Variants in PPM1G observed in about 807,000 individuals in gnomAD.
PPM1G encodes the protein protein phosphatase, Mg2+/Mn2+ dependent 1G, also known as protein phosphatase 1G.
PPM1G carries 12 observed loss-of-function variants against 59.4 expected under a neutral mutation model. The ratio of observed to expected loss-of-function variants is 0.20; its 90% confidence interval spans 0.13 to 0.33. PPM1G has a LOEUF of 0.33. PPM1G is among the 10% of genes least tolerant of loss of function. PPM1G has a pLI of 1.00. For missense variants in PPM1G, 392 were observed against 681.3 expected (o/e 0.58, Z 4.73); for synonymous variants, 245 against 251.9 (o/e 0.97, Z 0.26).
rs138149792 is a variant in PPM1G at position 27,392,998 on chromosome 2, T to A, written c.121-5840A>T. 1,716 of 1,522,082 alleles carry A rather than the reference T, an allele frequency of 1.1e-3. 18 individuals are homozygous for A. In the African/African-American group the frequency reaches 0.02, roughly 18 times the overall value. The allele number at this position is 1,522,082 out of a possible 1,614,324, so 94.3% of individuals were successfully genotyped here. A position where few individuals can be genotyped will look rare whatever the true frequency, so the allele number is the denominator to read the frequency against. The stretch of plus-strand genomic sequence containing the variant: ...CAGTTTGTGCAGTTCCAGTAGTGAC[T>A]GATTCACATTTTTTTCCAAATGTAA... On this transcript the variant is annotated intron_variant, in intron 1 of 9. Coordinates refer to ENST00000344034, the MANE Select transcript of PPM1G (RefSeq NM_177983.3).
chr2:27,407,563 A>G (rs1204621191), intron 1 of PPM1G, among the ~76,000 whole-genome samples: 1 of 152,034 alleles, frequency 6.6e-6, no homozygotes, highest in African/African-American at 2.4e-5. Context: ...CACTGCGCCC[A>G]GCCTAGATAT....
chr2:27,403,655 G>C (rs1394695989), intron 1 of PPM1G, among the ~76,000 whole-genome samples: 1 of 152,102 alleles, frequency 6.6e-6, no homozygotes, highest in Non-Finnish European at 1.5e-5. Context: ...GGGAGGCGGA[G>C]GCGGGCAGAT....
intron 2 of PPM1G, 199 bp from the exon 3 acceptor site, chr2:27,386,478 T>C (rs1451683185): frequency 2.3e-5 from 10 of 443,468 alleles, no homozygotes; most frequent in Non-Finnish European, 4.1e-5. Context: ...TTCTCTCGGG[T>C]ATAAATATCT....
At chr2:27,392,278 TTTG>T (rs1326159738) in intron 1 of PPM1G, among the ~76,000 whole-genome samples, 1 of 102,568 alleles carries the variant, frequency 9.7e-6, no homozygotes, top group Non-Finnish European at 2.0e-5. Context: ...GTTTTGTTGG[TTTG>T]TTTTGTTTTT....
At chr2:27,405,223 G>A (rs1052791130) in intron 1 of PPM1G, among the ~76,000 whole-genome samples, 2 of 151,576 alleles carry the variant, frequency 1.3e-5, no homozygotes, top group Non-Finnish European at 2.9e-5. Context: ...ACAGGCGTGC[G>A]CCACCATGCC....
In PPM1G at chr2:27,382,114, C is replaced by T. The variant is rs931993270; in HGVS notation, c.1434+12G>A. 1 of 1,611,114 alleles carries T rather than the reference C, an allele frequency of 6.2e-7. No individual in the cohort carries two copies. Among genetic ancestry groups the T allele is most frequent in the Non-Finnish European group, 8.5e-7 (1 of 1,177,306 alleles). On this transcript the variant is annotated intron_variant, in intron 9 of 9. Transcript: ENST00000344034. This position sits in a 1 kb window ranked among gnomAD's most constrained non-coding sequence, Gnocchi z 4.2. ...AGACCAGACACCCTCTCTTCTCCAC[C>T]CTGGTACTCACCTCTTCCACAATGG...
chr2:27,409,173 C>T (rs1385433771), intron 1 of PPM1G, 130 bp downstream of exon 1: 3 of 1,326,574 alleles, frequency 2.3e-6, no homozygotes, highest in African/African-American at 3.1e-5. Context: ...CTCTGTCGCC[C>T]CGCAAACGGC....
At chr2:27,394,739 C>CT (rs1352644760) in intron 1 of PPM1G, among the ~76,000 whole-genome samples, 2,584 of 79,460 alleles carry the variant, frequency 0.033, 74 homozygotes, top group African/African-American at 0.14. Context: ...GAGACTCTGT[C>CT]TTAAAAAAAA....
At position 27,385,501 on chromosome 2, in the gene PPM1G, A is replaced by G; in HGVS notation, c.409+246T>C. The G allele has an allele frequency of 2.0e-6, 1 of 496,850 alleles. No homozygotes were observed. The allele number at this position is 496,850 out of a possible 1,614,324, so 30.8% of individuals were successfully genotyped here. On this transcript the variant is annotated intron_variant, in intron 4 of 9. Transcript: ENST00000344034. The surrounding 1 kb of genome is among the most constrained non-coding windows in gnomAD (Gnocchi z 4.1). ...CACATAAATACTAGCAGGAACCAGG[A>G]AGACCCCATCACAATGACAAAAGAT...
intron 1 of PPM1G, among the ~76,000 whole-genome samples, chr2:27,406,458 T>C (rs1663363159): frequency 1.3e-5 from 2 of 152,208 alleles, no homozygotes; most frequent in Non-Finnish European, 2.9e-5. Context: ...ATTAGGCATA[T>C]TTAACTATTG....
chr2:27,399,017 A>G (rs1266760727), intron 1 of PPM1G, among the ~76,000 whole-genome samples: 9 of 150,690 alleles, frequency 6.0e-5, no homozygotes, highest in African/African-American at 2.2e-4. Flanking sequence ...GGTGGCACAC[A>G]CCTGGGTCCC....
Position 27,409,523 on chromosome 2 carries a change from C to G in PPM1G, c.-101G>C, listed in dbSNP as rs1038975894. The G allele has an allele frequency of 7.6e-7, 1 of 1,312,762 alleles. No individual in the cohort carries two copies. Among genetic ancestry groups the G allele is most frequent in the Non-Finnish European group, 9.7e-7 (1 of 1,027,518 alleles). The allele number at this position is 1,312,762 out of a possible 1,614,324, so 81.3% of individuals were successfully genotyped here. ...CGCGCGGCAGGAGCAGGCCCCGCGG[C>G]GCGACCGACGCAAGGTGCCGGTGAA... On this transcript the variant is annotated 5_prime_UTR_variant, in exon 1 of 10. Coordinates refer to ENST00000344034, the MANE Select transcript of PPM1G (RefSeq NM_177983.3).
chr2:27,387,038 C>A, intron 2 of PPM1G, 51 bp downstream of exon 2: 1 of 1,417,250 alleles, frequency 7.1e-7, no homozygotes. Flanking sequence ...TGCCCTGGAA[C>A]GTCTGGAATT....
At chr2:27,399,990 A>G (rs1246515592) in intron 1 of PPM1G, among the ~76,000 whole-genome samples, 1 of 151,830 alleles carries the variant, frequency 6.6e-6, no homozygotes, top group Non-Finnish European at 1.5e-5. Context: ...AATGTCTATC[A>G]ACTAATGAAT....
At position 27,395,130 on chromosome 2, in the gene PPM1G, C is replaced by T. The variant is rs868442688; in HGVS notation, c.121-7972G>A. ...CCTGTAATCCCAGCTACTTGGGAGG[C>T]TGAGACAGGAGAATCACTACTTGAA... is the stretch of plus-strand genomic sequence containing the variant. On this transcript the variant is annotated intron_variant, in intron 1 of 9. Coordinates refer to ENST00000344034, the MANE Select transcript of PPM1G (RefSeq NM_177983.3). Among the ~76,000 whole-genome samples the T allele has an allele frequency of 8.7e-5, 10 of 115,408 alleles. No homozygotes were observed. The East Asian group carries it at 2.0e-3, about 24-fold the overall frequency. The allele number at this position is 115,408 out of a possible 152,430, so 75.7% of individuals were successfully genotyped here.
intron 1 of PPM1G, among the ~76,000 whole-genome samples, chr2:27,398,295 T>C (rs192520938): frequency 2.6e-5 from 4 of 152,220 alleles, no homozygotes; most frequent in African/African-American, 7.2e-5. Flanking sequence ...CTGGGACAAC[T>C]TGATATCCAC....
chr2:27,388,405 T>C (rs1683820032), intron 1 of PPM1G, among the ~76,000 whole-genome samples: 1 of 151,724 alleles, frequency 6.6e-6, no homozygotes, highest in Admixed American at 6.6e-5. Flanking sequence ...TCAGACTCCG[T>C]CTCTAAATAA....
chr2:27,392,611 T>TTG (rs535914125), intron 1 of PPM1G, among the ~76,000 whole-genome samples: 66 of 102,844 alleles, frequency 6.4e-4, no homozygotes, highest in African/African-American at 2.1e-3. Flanking sequence ...ATTTTTTTTT[T>TTG]GGGGGGGGGG....
intron 2 of PPM1G, 112 bp downstream of exon 2, chr2:27,386,977 T>C (rs1683779357): frequency 3.8e-6 from 3 of 787,348 alleles, no homozygotes; most frequent in African/African-American, 3.5e-5. Flanking sequence ...ACGCAGGAAA[T>C]GATAATGAGG....
Sources: gnomAD v4.1 joint callset for allele counts (sites outside exome capture counted in the v4.1 genomes callset) on GRCh38, gnomAD v4.1.1 for gene constraint, Gnocchi (gnomAD v3.1) non-coding constraint, MANE v1.5 for transcripts, NCBI Gene and HGNC (gene_info 2026-07-23, HGNC 2026-07-21) for gene names.